Variants in KCNH8 observed in about 807,000 individuals in gnomAD.
The protein encoded by KCNH8 is potassium voltage-gated channel subfamily H member 8, also known as voltage-gated delayed rectifier potassium channel KCNH8.
KCNH8 carries 70 observed loss-of-function variants against 103.6 expected under a neutral mutation model. That is an observed-to-expected ratio of 0.68 (90% confidence interval 0.56 to 0.82). KCNH8 has a LOEUF of 0.82. Among genes scored for constraint, KCNH8 ranks in the 40% least tolerant of loss-of-function variants. The probability of loss-of-function intolerance (pLI) is 0.00; values close to 1 mark genes in which losing one functional copy is unlikely to be tolerated. For missense variants in KCNH8, 1,217 were observed against 1,329.9 expected (o/e 0.92, Z 1.32); for synonymous variants, 498 against 489.4 (o/e 1.02, Z -0.23).
chr3:19,479,459 T>C (rs1325497847), intron 11 of KCNH8, among the ~76,000 whole-genome samples: 1 of 152,198 alleles, frequency 6.6e-6, no homozygotes, highest in Non-Finnish European at 1.5e-5. Context: ...GTTACTCATT[T>C]AGGGTTTCAG....
rs1235325296 is a variant in KCNH8 at position 19,385,167 on chromosome 3, A to G, written c.812-5314A>G. Among the ~76,000 whole-genome samples the G allele has an allele frequency of 2.6e-5, 4 of 152,114 alleles. No homozygotes were observed. In the East Asian group the frequency reaches 7.7e-4, roughly 29 times the overall value. On this transcript the variant is annotated intron_variant, in intron 5 of 15. Transcript: ENST00000328405. ...ATTCTGTGCTGCTGCTGAGAACAAA[A>G]CTAGAATAAAGGAAAGGAAGTTATG...
At chr3:19,304,363 C>A (rs1015841798) in intron 3 of KCNH8, among the ~76,000 whole-genome samples, 1 of 151,828 alleles carries the variant, frequency 6.6e-6, no homozygotes, top group African/African-American at 2.4e-5. Context: ...CAGGGAGCTT[C>A]TTATGGAAAA....
At chr3:19,233,818 C>T (rs939488012) in intron 1 of KCNH8, among the ~76,000 whole-genome samples, 5 of 152,012 alleles carry the variant, frequency 3.3e-5, no homozygotes, top group South Asian at 2.1e-4. Context: ...TTCTTAAAGG[C>T]GGCGTGTCTG....
In KCNH8 at chr3:19,347,824, T is replaced by G; in HGVS notation, c.670T>G (p.Trp224Gly). The change falls in exon 5 of 16, where the codon TGG becomes GGG. Residue 224 changes from tryptophan to glycine, a missense_variant. Physicochemically the swap from Trp to Gly is radical, Grantham distance 184. This residue lies in a region of KCNH8 where 415 missense variants were observed against 577.4 expected (regional missense o/e 0.72). Coordinates refer to ENST00000328405, the MANE Select transcript of KCNH8 (RefSeq NM_144633.3). ...GCATTTTAGCACTTTTAAAGCTGGCTGGGACTGGCTTATTTTGTTGGCAAC... is the reference window on the plus strand; with the variant it reads ...GCATTTTAGCACTTTTAAAGCTGGCGGGGACTGGCTTATTTTGTTGGCAAC... ...LLHFSTFKAG[W>G]DWLILLATFY... The G allele has an allele frequency of 6.2e-7, 1 of 1,613,416 alleles. No homozygotes were observed. The highest frequency in any genetic ancestry group is 2.2e-5 in the East Asian group (1 of 44,856).
chr3:19,491,514 A>G (rs973440054), intron 11 of KCNH8, among the ~76,000 whole-genome samples: 4 of 152,164 alleles, frequency 2.6e-5, no homozygotes, highest in Non-Finnish European at 5.9e-5. Context: ...ATTTCATTCT[A>G]TTTTATGACT....
intron 4 of KCNH8, chr3:19,346,687 G>T (rs1168334165): frequency 2.2e-6 from 1 of 456,152 alleles, no homozygotes; most frequent in Admixed American, 2.4e-5. Flanking sequence ...ACATTAATCT[G>T]CCCTTCCCTC....
chr3:19,290,572 C>T (rs2064905056), intron 3 of KCNH8, among the ~76,000 whole-genome samples: 1 of 152,126 alleles, frequency 6.6e-6, no homozygotes, highest in Admixed American at 6.5e-5. Flanking sequence ...TATGTTGAAC[C>T]AGCCTTGCAT....
chr3:19,206,168 G>GTATATATATATATATA (rs750765830), intron 1 of KCNH8, among the ~76,000 whole-genome samples: 4 of 139,260 alleles, frequency 2.9e-5, no homozygotes, highest in African/African-American at 1.1e-4. Flanking sequence ...TGGTGTGTGT[G>GTATATATATATATATA]TATATATATA....
chr3:19,311,497 A>G (rs570661657), intron 3 of KCNH8, among the ~76,000 whole-genome samples: 1 of 151,220 alleles, frequency 6.6e-6, no homozygotes, highest in African/African-American at 2.4e-5. Flanking sequence ...ATAATTAAAT[A>G]TATATTTAAT....
At chr3:19,238,034 A>G (rs1286318061) in intron 1 of KCNH8, among the ~76,000 whole-genome samples, 2 of 152,220 alleles carry the variant, frequency 1.3e-5, no homozygotes, top group African/African-American at 4.8e-5. Context: ...GGGGGACACA[A>G]TTCAAAAAGC....
intron 5 of KCNH8, among the ~76,000 whole-genome samples, chr3:19,352,948 G>GTT (rs145953514): frequency 6.6e-6 from 1 of 150,946 alleles, no homozygotes; most frequent in African/African-American, 2.4e-5. Flanking sequence ...TCCAGGAGCT[G>GTT]TTTTTTTTTA....
intron 7 of KCNH8, among the ~76,000 whole-genome samples, chr3:19,421,917 C>A (rs1559320257): frequency 6.6e-6 from 1 of 151,992 alleles, no homozygotes; most frequent in Non-Finnish European, 1.5e-5. Context: ...ATCAATTTTA[C>A]CATGCTCTGT....
At chr3:19,275,687 C>G (rs2064659778) in intron 2 of KCNH8, among the ~76,000 whole-genome samples, 1 of 152,122 alleles carries the variant, frequency 6.6e-6, no homozygotes, top group African/African-American at 2.4e-5. Context: ...GCTGTAGAGA[C>G]TTATTTGCCA....
At chr3:19,496,324 G>A (rs1479221570) in intron 11 of KCNH8, among the ~76,000 whole-genome samples, 1 of 152,150 alleles carries the variant, frequency 6.6e-6, no homozygotes, top group Admixed American at 6.5e-5. Context: ...TATGTTGGCT[G>A]TGGATTTGTT....
At chr3:19,324,434 C>T (rs928140389) in intron 3 of KCNH8, among the ~76,000 whole-genome samples, 2 of 152,118 alleles carry the variant, frequency 1.3e-5, no homozygotes, top group Admixed American at 6.6e-5. Context: ...CACTCACTAT[C>T]ACAGGAACAG....
intron 15 of KCNH8, among the ~76,000 whole-genome samples, chr3:19,526,946 T>G (rs1328817277): frequency 6.6e-6 from 1 of 152,008 alleles, no homozygotes; most frequent in East Asian, 1.9e-4. Context: ...GCTTGACTAC[T>G]GTAAAGAGCA....
intron 11 of KCNH8, among the ~76,000 whole-genome samples, chr3:19,459,936 TGTTA>T (rs1243795520): frequency 1.3e-5 from 2 of 152,022 alleles, no homozygotes; most frequent in African/African-American, 4.8e-5. Context: ...TTCCATTGTC[TGTTA>T]TTTTTCTCTT....
chr3:19,380,901 A>G (rs932210969), intron 5 of KCNH8, among the ~76,000 whole-genome samples: 4 of 152,232 alleles, frequency 2.6e-5, no homozygotes, highest in African/African-American at 9.6e-5. Context: ...AAATATGAGC[A>G]ATTTCTACTG....
chr3:19,243,566 A>G (rs1300107502), intron 1 of KCNH8, among the ~76,000 whole-genome samples: 1 of 152,202 alleles, frequency 6.6e-6, no homozygotes, highest in African/African-American at 2.4e-5. Context: ...CTACCAAATT[A>G]TGGAAAACAT....
Sources: allele counts gnomAD v4.1 joint callset (sites outside exome capture counted in the v4.1 genomes callset), GRCh38; gene constraint gnomAD v4.1.1; regional missense constraint gnomAD v4.1.1; transcripts MANE v1.5; gene names NCBI Gene and HGNC (gene_info 2026-07-23, HGNC 2026-07-21).